DMD: variants seen among roughly 807,000 people sequenced by gnomAD.
DMD encodes dystrophin.
Under a neutral mutation model 330.1 loss-of-function variants are expected in DMD, and 63 were observed. The observed-to-expected ratio is 0.19, with a 90% CI of 0.16 to 0.24. The LOEUF (loss-of-function observed/expected upper bound fraction) is 0.24, where lower values mean the gene tolerates loss of function less well. Ranked by LOEUF, DMD falls within the 10% of genes least tolerant of loss-of-function variation. The pLI is 1.00. For synonymous variants in DMD, 1,223 were observed against 959.8 expected, an observed-to-expected ratio of 1.27 and a Z score of -5.07; for missense variants, 3,344 against 2,684.1, an observed-to-expected ratio of 1.25 and a Z score of -5.43.
At chrX:32,604,071 T>C (rs2056462380) in intron 12 of DMD, among the ~76,000 whole-genome samples, 2 of 110,672 alleles carry the variant, frequency 1.8e-5, no homozygotes, top group Non-Finnish European at 3.8e-5. Context: ...CCAATATCCC[T>C]GATGAACATA....
At chrX:31,893,102 T>C (rs1209350924) in intron 47 of DMD, among the ~76,000 whole-genome samples, 2 of 112,144 alleles carry the variant, frequency 1.8e-5, no homozygotes, top group Non-Finnish European at 3.8e-5. Flanking sequence ...ATGTGAGTTT[T>C]AGTATATCTT....
intron 29 of DMD, among the ~76,000 whole-genome samples, chrX:32,421,566 A>G (rs1273509709): frequency 2.7e-5 from 3 of 111,906 alleles, no homozygotes; most frequent in East Asian, 2.8e-4. Flanking sequence ...AGAATGATGC[A>G]TTACAATCGA....
intron 44 of DMD, among the ~76,000 whole-genome samples, chrX:32,092,912 G>A (rs1447485961): frequency 9.2e-6 from 1 of 108,797 alleles, no homozygotes; most frequent in Non-Finnish European, 1.9e-5. Context: ...CTATATTTTA[G>A]CTGTTTTAAC....
chrX:32,296,249 G>A (rs185458905), intron 42 of DMD, among the ~76,000 whole-genome samples: 118 of 110,715 alleles, frequency 1.1e-3, no homozygotes, highest in African/African-American at 3.7e-3. Flanking sequence ...ACATTCACCA[G>A]GTGTGGCGGT....
chrX:31,810,334 C>A (rs142044033), intron 50 of DMD, among the ~76,000 whole-genome samples: 2 of 111,241 alleles, frequency 1.8e-5, no homozygotes, highest in Non-Finnish European at 1.9e-5. Context: ...GGGGACTCAT[C>A]TGATTTAAGA....
At position 33,082,292 on chromosome X, in the gene DMD, G is replaced by T. The variant is rs1444669244; in HGVS notation, c.32-62092C>A. Among the ~76,000 whole-genome samples the T allele has an allele frequency of 1.8e-4, 20 of 111,650 alleles. No individual in the cohort carries two copies. In the Admixed American group the frequency reaches 1.9e-3, roughly 11 times the overall value. On this transcript the variant is annotated intron_variant, in intron 1 of 78. Transcript: ENST00000357033. Reference sequence around the variant, plus strand: ...TTAGATCTCTTATTACCTAATTTTAGCCATGCCAAGTGGACAATATTTTTA... The same window carrying T: ...TTAGATCTCTTATTACCTAATTTTATCCATGCCAAGTGGACAATATTTTTA...
At chrX:32,597,547 T>A (rs1257330426) in intron 12 of DMD, among the ~76,000 whole-genome samples, 1 of 111,893 alleles carries the variant, frequency 8.9e-6, no homozygotes, top group Non-Finnish European at 1.9e-5. Context: ...AAATAACCAC[T>A]TGGTCTCAAC....
intron 44 of DMD, among the ~76,000 whole-genome samples, chrX:32,093,772 A>T (rs1349258141): frequency 9.0e-6 from 1 of 111,436 alleles, no homozygotes; most frequent in East Asian, 2.8e-4. Context: ...AATGGCCCAC[A>T]GAATTAATAA....
chrX:32,224,278 C>T (rs1313926072), intron 43 of DMD, among the ~76,000 whole-genome samples: 4 of 110,735 alleles, frequency 3.6e-5, no homozygotes, highest in Middle Eastern at 4.7e-3. Context: ...GCAATTTTTT[C>T]TTACCCTATA....
At chrX:32,408,886 ATC>A (rs2098130183) in intron 30 of DMD, among the ~76,000 whole-genome samples, 1 of 107,478 alleles carries the variant, frequency 9.3e-6, no homozygotes, top group Non-Finnish European at 1.9e-5. Flanking sequence ...CTATCTATCT[ATC>A]TATCTATCTA....
At chrX:32,010,117 G>A (rs2095694832) in intron 44 of DMD, among the ~76,000 whole-genome samples, 1 of 111,574 alleles carries the variant, frequency 9.0e-6, no homozygotes, top group Non-Finnish European at 1.9e-5. Flanking sequence ...CTAGAACTGC[G>A]TTTGGCACAG....
Position 32,681,137 on chromosome X carries a change from T to G in DMD, c.960+16733A>C, listed in dbSNP as rs898651932. ...TTAAGCATAGGGTTATTTCCATGGC[T>G]TTAGTAATACCATTTATTGAAATCA... On this transcript the variant is annotated intron_variant, in intron 9 of 78. Coordinates refer to ENST00000357033, the MANE Select transcript of DMD (RefSeq NM_004006.3). Among the ~76,000 whole-genome samples the G allele has an allele frequency of 2.7e-5, 3 of 111,927 alleles. No individual in the cohort carries two copies. The Admixed American group carries it at 2.9e-4, about 11-fold the overall frequency.
chrX:32,969,218 C>A, intron 2 of DMD, among the ~76,000 whole-genome samples: 1 of 65,223 alleles, frequency 1.5e-5, no homozygotes, highest in Non-Finnish European at 2.7e-5. Flanking sequence ...TATAAACCAC[C>A]CAGAAATATA....
At chrX:32,792,151 A>C (rs749358832) in intron 7 of DMD, among the ~76,000 whole-genome samples, 2 of 111,857 alleles carry the variant, frequency 1.8e-5, no homozygotes, top group East Asian at 5.6e-4. Flanking sequence ...TAGCCTTCAT[A>C]AATCAAGGAG....
chrX:32,921,620 G>A (rs1346562532), intron 2 of DMD, among the ~76,000 whole-genome samples: 2 of 111,495 alleles, frequency 1.8e-5, no homozygotes, highest in Non-Finnish European at 3.8e-5. Context: ...AGCACCCCCA[G>A]TAAGAGAGAA....
chrX:32,922,353 A>G (rs2088510354), intron 2 of DMD, among the ~76,000 whole-genome samples: 2 of 111,951 alleles, frequency 1.8e-5, no homozygotes, highest in Admixed American at 1.9e-4. Flanking sequence ...GCAGTAATAT[A>G]CAAGTGCTTT....
chrX:31,856,755 A>C (rs776341376), intron 48 of DMD, among the ~76,000 whole-genome samples: 8 of 112,293 alleles, frequency 7.1e-5, no homozygotes, highest in Non-Finnish European at 1.1e-4. Flanking sequence ...TATTTGTGTT[A>C]TCTCTCCAAT....
chrX:32,394,750 G>A (rs2098028042), intron 30 of DMD, among the ~76,000 whole-genome samples: 3 of 108,039 alleles, frequency 2.8e-5, no homozygotes, highest in Non-Finnish European at 5.7e-5. Flanking sequence ...ACTCAGAGAG[G>A]GTAGAGGGCC....
chrX:32,242,451 T>A (rs2097212295), intron 43 of DMD, among the ~76,000 whole-genome samples: 1 of 111,880 alleles, frequency 8.9e-6, no homozygotes, highest in African/African-American at 3.2e-5. Flanking sequence ...AATACCACCT[T>A]TAACATTACC....
Sources: gnomAD v4.1 joint callset for allele counts (sites outside exome capture counted in the v4.1 genomes callset) on GRCh38, gnomAD v4.1.1 for gene constraint, MANE v1.5 for transcripts, NCBI Gene and HGNC (gene_info 2026-07-23, HGNC 2026-07-21) for gene names.